MFN2: variants seen among roughly 807,000 people sequenced by gnomAD.
The protein encoded by MFN2 is mitofusin 2.
MFN2 carries 43 observed loss-of-function variants against 87.5 expected under a neutral mutation model. The observed-to-expected ratio is 0.49, with a 90% confidence interval of 0.38 to 0.63. The LOEUF is 0.63. Among genes scored for constraint, MFN2 ranks in the 30% least tolerant of loss-of-function variants. The probability of loss-of-function intolerance (pLI) is 0.00; values close to 1 mark genes in which losing one functional copy is unlikely to be tolerated. For synonymous variants in MFN2, 337 were observed against 359.9 expected (o/e 0.94, Z 0.72); for missense variants, 743 against 972.8 (o/e 0.76, Z 3.14).
chr1:11,997,388 C>T lies in MFN2; in HGVS notation c.566C>T (p.Pro189Leu). Residue 189 changes from proline (P) to leucine (L), a missense_variant, in exon 6 of 19, where the codon CCA becomes CTA. Coordinates refer to ENST00000235329, the MANE Select transcript of MFN2 (RefSeq NM_014874.4). ...VSVMWPNSKC[P>L]LLKDDLVLMD... Reference sequence around the variant, plus strand: ...GTGATGTGGCCCAACTCTAAGTGCCCACTTCTGAAGGATGACCTCGTTTTG... The same window carrying T: ...GTGATGTGGCCCAACTCTAAGTGCCTACTTCTGAAGGATGACCTCGTTTTG... 6.2e-7 allele frequency: 1 copy of T among 1,614,202 alleles called. No homozygotes were observed. The highest frequency in any genetic ancestry group is 1.1e-5 in the South Asian group (1 of 91,086).
chr1:11,980,803 C>G (rs534649371), intron 1 of MFN2, among the ~76,000 whole-genome samples: 37 of 152,364 alleles, frequency 2.4e-4, no homozygotes, highest in African/African-American at 8.4e-4. Context: ...ATTTACTCAG[C>G]ACCTGATAGG....
intron 14 of MFN2, 144 bp downstream of exon 14, chr1:12,005,071 T>G: frequency 1.4e-6 from 1 of 717,894 alleles, no homozygotes; most frequent in South Asian, 1.6e-5. Context: ...TCTGGGTACA[T>G]GTTCTGAACT....
chr1:12,013,483 C>A lies in MFN2; in HGVS notation c.*1918C>A. The A allele has an allele frequency of 2.5e-6, 1 of 398,538 alleles. No homozygotes were observed. Among genetic ancestry groups the A allele is most frequent in the Admixed American group, 3.6e-5 (1 of 28,026 alleles). 24.7% of individuals were successfully genotyped at this position (398,538 alleles called of 1,614,324 possible). A position where few individuals can be genotyped will look rare whatever the true frequency, so the allele number is the denominator to read the frequency against. On this transcript the variant is annotated 3_prime_UTR_variant, in exon 19 of 19. Coordinates refer to ENST00000235329, the MANE Select transcript of MFN2 (RefSeq NM_014874.4). Reference sequence around the variant, plus strand: ...GTATCATTGCTCATAATATTGGAAACTAAAATAAAACCTAGTTGGAAATCC... The same window carrying A: ...GTATCATTGCTCATAATATTGGAAAATAAAATAAAACCTAGTTGGAAATCC...
At chr1:12,008,475 C>T (rs1229093924) in intron 17 of MFN2, among the ~76,000 whole-genome samples, 1 of 148,748 alleles carries the variant, frequency 6.7e-6, no homozygotes, top group Non-Finnish European at 1.5e-5. Context: ...GGGACTGACC[C>T]CCCACCTCCC....
At chr1:12,001,276 G>A in intron 8 of MFN2, 125 bp from the exon 9 acceptor site, 1 of 1,351,816 alleles carries the variant, frequency 7.4e-7, no homozygotes. Context: ...GCTTCCCAAA[G>A]TGCTGGGATT....
At position 11,989,201 on chromosome 1, in the gene MFN2, C is replaced by T. The variant is rs756450319; in HGVS notation, c.33C>T (p.Ile11=). 1.1e-5 allele frequency: 17 copies of T among 1,613,972 alleles called. No individual in the cohort carries two copies. The highest frequency in any genetic ancestry group is 3.3e-4 in the Middle Eastern group (2 of 6,084). Reference sequence around the variant, plus strand: ...TGCTCTTCTCTCGATGCAACTCTATCGTCACAGTCAAGAAAAATAAGAGAC... The same window carrying T: ...TGCTCTTCTCTCGATGCAACTCTATTGTCACAGTCAAGAAAAATAAGAGAC... The part of the protein sequence containing the change: MSLLFSRCNS[I]VTVKKNKRHM... The change falls in exon 3 of 19, where the codon ATC becomes ATT. Residue 11 remains isoleucine (I), a synonymous_variant. Transcript: ENST00000235329.
At chr1:11,988,403 G>T (rs985914732) in intron 2 of MFN2, among the ~76,000 whole-genome samples, 4 of 137,872 alleles carry the variant, frequency 2.9e-5, no homozygotes, top group South Asian at 2.3e-4. Context: ...ATGCCTGGCT[G>T]TTTTTTTTTT....
At chr1:12,001,053 C>G (rs1211906548) in intron 8 of MFN2, among the ~76,000 whole-genome samples, 1 of 152,134 alleles carries the variant, frequency 6.6e-6, no homozygotes, top group Non-Finnish European at 1.5e-5. Context: ...ACTCTGTCGC[C>G]CAGGCTGGAG....
Position 12,005,739 on chromosome 1 carries a change from T to A in MFN2, c.1524T>A (p.Ser508=). The change falls in exon 15 of 19, where the codon TCT becomes TCA. Residue 508 remains serine, a synonymous_variant. Coordinates refer to ENST00000235329, the MANE Select transcript of MFN2 (RefSeq NM_014874.4). ...IDGLKPLLPV[S]VRSQIDMLVP... ...GCTTGAAACCCCTCCTTCCTGTGTC[T>A]GTGCGGAGTCAGATAGACATGCTGG... is the stretch of plus-strand genomic sequence containing the variant. 1 of 1,614,256 alleles carries A rather than the reference T, an allele frequency of 6.2e-7. No individual in the cohort carries two copies. Among genetic ancestry groups the A allele is most frequent in the Non-Finnish European group, 8.5e-7 (1 of 1,180,050 alleles).
At chr1:12,006,767 T>C (rs1042927408) in intron 16 of MFN2, 74 bp downstream of exon 16, 4 of 1,597,758 alleles carry the variant, frequency 2.5e-6, no homozygotes, top group Non-Finnish European at 3.4e-6. Context: ...AGGTTCCTGC[T>C]GTGGCCCCTG....
rs1471503970 is a variant in MFN2 at position 12,011,631 on chromosome 1, T to TC, written c.*71dup. 4.5e-6 allele frequency: 7 copies of TC among 1,554,422 alleles called. No homozygotes were observed. The highest frequency in any genetic ancestry group is 1.1e-5 in the South Asian group (1 of 89,802). On this transcript the variant is annotated 3_prime_UTR_variant, in exon 19 of 19. Transcript: ENST00000235329. ...TGCCAGCCCTAAGTGCCATGTGGGC[T>TC]CCCCCAGGGGCACGTGTGGCTCCTG...
chr1:11,991,431 C>T (rs1029575809), intron 3 of MFN2, among the ~76,000 whole-genome samples: 1 of 152,122 alleles, frequency 6.6e-6, no homozygotes, highest in Non-Finnish European at 1.5e-5. Flanking sequence ...TAAGCTAGAC[C>T]GGAGGCCAAG....
At chr1:12,010,046 C>T (rs1318073052) in intron 18 of MFN2, among the ~76,000 whole-genome samples, 1 of 152,032 alleles carries the variant, frequency 6.6e-6, no homozygotes, top group East Asian at 1.9e-4. Flanking sequence ...CCCAGCCACT[C>T]GACAGGCTGA....
Position 12,001,801 on chromosome 1 carries a change from A to G in MFN2, c.1003A>G (p.Met335Val), listed in dbSNP as rs1557527886. Residue 335 changes from methionine to valine, a missense_variant, in exon 10 of 19, where the codon ATG (methionine) becomes GTG (valine). Around this residue, in one of 3 missense-constraint regions of MFN2, gnomAD observed 571 missense variants for 670.7 expected, o/e 0.85. Transcript: ENST00000235329. Reference protein sequence around the residue: ...GALAEGFQVRMFEFQNFERRF... With the variant: ...GALAEGFQVRVFEFQNFERRF... ...TCTCGCAGAAGGCTTTCAAGTGAGGATGTTTGAGTTTCAGAATTTTGAGAG... is the reference window on the plus strand; with the variant it reads ...TCTCGCAGAAGGCTTTCAAGTGAGGGTGTTTGAGTTTCAGAATTTTGAGAG... 1 of 1,614,144 alleles carries G rather than the reference A, an allele frequency of 6.2e-7. No individual in the cohort carries two copies. The highest frequency in any genetic ancestry group is 8.5e-7 in the Non-Finnish European group (1 of 1,180,030).
At chr1:11,992,470 A>G in intron 3 of MFN2, 85 bp from the exon 4 acceptor site, 1 of 1,565,554 alleles carries the variant, frequency 6.4e-7, no homozygotes, top group Non-Finnish European at 8.8e-7. Flanking sequence ...TAGGGTAAGC[A>G]GGGCCGGCGC....
At chr1:11,989,391 T>C in intron 3 of MFN2, 48 bp downstream of exon 3, 1 of 1,599,452 alleles carries the variant, frequency 6.3e-7, no homozygotes, top group Non-Finnish European at 8.5e-7. Flanking sequence ...TGTTTAGATA[T>C]TTAGCTAGTG....
chr1:12,001,673 C>T (rs1157161223), intron 9 of MFN2, 96 bp from the exon 10 acceptor site: 2 of 1,588,804 alleles, frequency 1.3e-6, no homozygotes, highest in Middle Eastern at 1.7e-4. Context: ...AGCAGAGAGG[C>T]TCTTGCTCTT....
At chr1:12,005,050 T>A in intron 14 of MFN2, 123 bp downstream of exon 14, 1 of 775,152 alleles carries the variant, frequency 1.3e-6, no homozygotes, top group Non-Finnish European at 2.2e-6. Context: ...TTCAACTCGA[T>A]ACCTTCAGGT....
chr1:11,993,347 C>G (rs1451733048), intron 4 of MFN2, among the ~76,000 whole-genome samples: 1 of 151,908 alleles, frequency 6.6e-6, no homozygotes, highest in African/African-American at 2.4e-5. Context: ...AGACATTAAA[C>G]AAAGCTAGCC....
Sources: allele counts gnomAD v4.1 joint callset (sites outside exome capture counted in the v4.1 genomes callset), GRCh38; gene constraint gnomAD v4.1.1; regional missense constraint gnomAD v4.1.1; transcripts MANE v1.5; gene names NCBI Gene and HGNC (gene_info 2026-07-23, HGNC 2026-07-21).